The following DDAH1 variants were observed in gnomAD, a reference collection of about 807,000 sequenced individuals.
DDAH1 encodes the protein N(G),N(G)-dimethylarginine dimethylaminohydrolase 1.
DDAH1 carries 19 observed loss-of-function variants against 28.8 expected under a neutral mutation model. The observed-to-expected ratio is 0.66, with a 90% CI of 0.46 to 0.97. The LOEUF (loss-of-function observed/expected upper bound fraction) is 0.97. Ranked by LOEUF, DDAH1 falls within the 50% of genes least tolerant of loss-of-function variation. The pLI is 0.00. For missense variants in DDAH1, 326 were observed against 375.9 expected (o/e 0.87, Z 1.10); for synonymous variants, 153 against 154.4 (o/e 0.99, Z 0.07).
chr1:85,348,700 G>A (rs1013976647), intron 4 of DDAH1, among the ~76,000 whole-genome samples: 5 of 152,078 alleles, frequency 3.3e-5, no homozygotes, highest in South Asian at 2.1e-4. Context: ...CTCAGGGAAC[G>A]CCCCCTTTTC....
chr1:85,570,668 G>T (rs1659429105), intron 1 of DDAH1, among the ~76,000 whole-genome samples: 1 of 152,206 alleles, frequency 6.6e-6, no homozygotes, highest in African/African-American at 2.4e-5. Context: ...AAGAAGCAAA[G>T]ATAAGTGCAG....
chr1:85,532,959 G>C (rs1191866501), intron 1 of DDAH1, among the ~76,000 whole-genome samples: 5 of 152,170 alleles, frequency 3.3e-5, no homozygotes, highest in African/African-American at 1.2e-4. Flanking sequence ...CAACTTAAAA[G>C]GAAGTTTTTT....
chr1:85,574,776 T>C (rs909776996), intron 1 of DDAH1, among the ~76,000 whole-genome samples: 12 of 152,214 alleles, frequency 7.9e-5, no homozygotes, highest in South Asian at 6.2e-4. Context: ...CCAGGCGCTA[T>C]GGCTCATGCC....
At chr1:85,548,547 G>T (rs1658694834) in intron 1 of DDAH1, among the ~76,000 whole-genome samples, 1 of 152,158 alleles carries the variant, frequency 6.6e-6, no homozygotes, top group African/African-American at 2.4e-5. Context: ...ATCTGCAAGG[G>T]TTAATAACAA....
rs1285006571 is a variant in DDAH1, at chr1:85,318,685, A to G, written c.*2767T>C. On this transcript the variant is annotated 3_prime_UTR_variant, in exon 6 of 6. Coordinates refer to ENST00000284031, the MANE Select transcript of DDAH1 (RefSeq NM_012137.4). Reference sequence around the variant, plus strand: ...AAATAAAATGCACAAATCTAACACCATGTTGAAATCATGTCTGAGTTCTGG... The same window carrying G: ...AAATAAAATGCACAAATCTAACACCGTGTTGAAATCATGTCTGAGTTCTGG... 2 of 152,638 alleles carry G rather than the reference A, an allele frequency of 1.3e-5. No homozygotes were observed. Among genetic ancestry groups the G allele is most frequent in the Non-Finnish European group, 2.9e-5 (2 of 68,040 alleles). The allele number at this position is 152,638 out of a possible 1,614,324, so 9.5% of individuals were successfully genotyped here.
chr1:85,565,436 C>T (rs1659268413), intron 1 of DDAH1, among the ~76,000 whole-genome samples: 1 of 152,104 alleles, frequency 6.6e-6, no homozygotes, highest in African/African-American at 2.4e-5. Context: ...GTATTGCTCT[C>T]ATGTCAATTT....
chr1:85,351,723 T>C (rs1649221212), intron 2 of DDAH1, 144 bp from the exon 3 acceptor site: 2 of 613,230 alleles, frequency 3.3e-6, no homozygotes, highest in Non-Finnish European at 5.6e-6. Flanking sequence ...CTACAAAAAA[T>C]GATTTCAAAC....
intron 1 of DDAH1, among the ~76,000 whole-genome samples, chr1:85,398,183 T>C (rs994812294): frequency 2.0e-5 from 3 of 152,028 alleles, no homozygotes; most frequent in Non-Finnish European, 4.4e-5. Context: ...GGCTTCCTAG[T>C]GATGAGAGGT....
At chr1:85,352,332 C>T (rs1175252253) in intron 2 of DDAH1, among the ~76,000 whole-genome samples, 3 of 152,094 alleles carry the variant, frequency 2.0e-5, no homozygotes, top group Admixed American at 6.5e-5. Flanking sequence ...TGCCGCCTTG[C>T]ACCCCGAGCT....
chr1:85,493,256 A>C (rs983651456), intron 2 of DDAH1, among the ~76,000 whole-genome samples: 64 of 152,288 alleles, frequency 4.2e-4, no homozygotes, highest in African/African-American at 1.5e-3. Context: ...GGGATAAGTC[A>C]GTCAAATCCT....
intron 4 of DDAH1, among the ~76,000 whole-genome samples, chr1:85,331,029 C>T (rs1290002845): frequency 1.3e-5 from 2 of 152,182 alleles, no homozygotes; most frequent in East Asian, 3.8e-4. Context: ...CTGTCATGGT[C>T]TGTTATGCAG....
intron 1 of DDAH1, among the ~76,000 whole-genome samples, chr1:85,566,724 G>A (rs939652246): frequency 6.6e-6 from 1 of 152,138 alleles, no homozygotes; most frequent in Non-Finnish European, 1.5e-5. Flanking sequence ...TATTAGATTA[G>A]TTATGGTTCT....
At chr1:85,500,138 CTT>C (rs140887315) in intron 1 of DDAH1, among the ~76,000 whole-genome samples, 244 of 72,778 alleles carry the variant, frequency 3.4e-3, no homozygotes, top group Middle Eastern at 7.2e-3. Flanking sequence ...TTCTTTCTTT[CTT>C]TCTTTCTTTT....
At chr1:85,521,276 G>A (rs1301096112) in intron 1 of DDAH1, among the ~76,000 whole-genome samples, 20 of 151,590 alleles carry the variant, frequency 1.3e-4, no homozygotes, top group Non-Finnish European at 2.7e-4. Flanking sequence ...GTGGCTTACA[G>A]CCCAAGGCAC....
At chr1:85,516,416 A>G (rs552869292) in intron 1 of DDAH1, among the ~76,000 whole-genome samples, 1 of 146,518 alleles carries the variant, frequency 6.8e-6, no homozygotes, top group African/African-American at 2.5e-5. Flanking sequence ...TCAACAATAA[A>G]TACACACAGA....
At chr1:85,361,021 TA>T (rs1415190782) in intron 1 of DDAH1, among the ~76,000 whole-genome samples, 1 of 152,212 alleles carries the variant, frequency 6.6e-6, no homozygotes, top group Non-Finnish European at 1.5e-5. Context: ...ACAAGATTTT[TA>T]AAAAATTGTA....
At chr1:85,486,435 C>T (rs1656206412) in intron 2 of DDAH1, among the ~76,000 whole-genome samples, 6 of 152,136 alleles carry the variant, frequency 3.9e-5, no homozygotes, top group Admixed American at 3.9e-4. Flanking sequence ...CAATCTGAGG[C>T]TGAATTATAC....
At position 85,464,728 on chromosome 1, in the gene DDAH1, C is replaced by G. The variant is rs771177765; in HGVS notation, c.303+15G>C. 29 of 1,488,864 alleles carry G rather than the reference C, an allele frequency of 1.9e-5. No homozygotes were observed. In the Admixed American group the frequency reaches 2.5e-4, roughly 13 times the overall value. The allele number at this position is 1,488,864 out of a possible 1,614,324, so 92.2% of individuals were successfully genotyped here. On this transcript the variant is annotated intron_variant, in intron 1 of 5. Transcript: ENST00000284031. This position sits in a 1 kb window ranked among gnomAD's most constrained non-coding sequence, Gnocchi z 4.4. ...TGGCGCGCGCCCCGGCCGCGCCCCT[C>G]GAGTCGGCAGTTACCTCCTTCCTCC...
intron 1 of DDAH1, among the ~76,000 whole-genome samples, chr1:85,507,798 C>T (rs1011447171): frequency 6.6e-6 from 1 of 152,126 alleles, no homozygotes; most frequent in African/African-American, 2.4e-5. Flanking sequence ...CTTCTCCCCA[C>T]ATAAAAATGA....
Sources: gnomAD v4.1 joint callset for allele counts (sites outside exome capture counted in the v4.1 genomes callset) on GRCh38, gnomAD v4.1.1 for gene constraint, Gnocchi (gnomAD v3.1) non-coding constraint, MANE v1.5 for transcripts, NCBI Gene and HGNC (gene_info 2026-07-23, HGNC 2026-07-21) for gene names.